Variants in STXBP5L observed in about 807,000 individuals in gnomAD.
STXBP5L encodes the protein syntaxin-binding protein 5-like.
A neutral mutation model predicts 144.5 loss-of-function variants in STXBP5L; 65 were observed. That is an observed-to-expected ratio of 0.45 (90% CI 0.37 to 0.55). STXBP5L has a LOEUF of 0.55. STXBP5L is among the 20% of genes least tolerant of loss of function. The pLI is 0.00. For missense variants in STXBP5L, 1,298 were observed against 1,405.5 expected (o/e 0.92, Z 1.22); for synonymous variants, 505 against 469.6 (o/e 1.08, Z -0.97).
intron 5 of STXBP5L, among the ~76,000 whole-genome samples, chr3:121,100,811 G>T (rs535265863): frequency 6.6e-6 from 1 of 151,496 alleles, no homozygotes; most frequent in South Asian, 2.1e-4. Context: ...AAAAAAAGTT[G>T]GTTCTTTGAA....
At chr3:121,081,806 G>A (rs1028112633) in intron 5 of STXBP5L, among the ~76,000 whole-genome samples, 1 of 152,170 alleles carries the variant, frequency 6.6e-6, no homozygotes, top group African/African-American at 2.4e-5. Flanking sequence ...TCAATTAGGT[G>A]TGGAGAGGCT....
chr3:121,095,781 C>T (rs547747045), intron 5 of STXBP5L, among the ~76,000 whole-genome samples: 3 of 152,308 alleles, frequency 2.0e-5, no homozygotes, highest in African/African-American at 4.8e-5. Flanking sequence ...CTTCTTCTCT[C>T]AACTCGTCAA....
rs1043134604 is a variant in STXBP5L, at chr3:121,300,015, A to C, written c.2111-18460A>C. Among the ~76,000 whole-genome samples, 15 of 148,572 alleles carry C rather than the reference A, an allele frequency of 1.0e-4. No homozygotes were observed. The East Asian group carries it at 1.3e-3, about 13-fold the overall frequency. ...AAAAAATACAAAGAAAACGACACTT[A>C]AGACTTTATAGTCAAACTACTAAAA... On this transcript the variant is annotated intron_variant, in intron 19 of 26. Coordinates refer to ENST00000471454, the MANE Select transcript of STXBP5L (RefSeq NM_001308330.2).
intron 20 of STXBP5L, among the ~76,000 whole-genome samples, chr3:121,339,083 G>C (rs1055267321): frequency 6.6e-6 from 1 of 151,806 alleles, no homozygotes; most frequent in South Asian, 2.1e-4. Flanking sequence ...AGCCAGGAAA[G>C]GGCATACAAA....
At position 121,116,936 on chromosome 3, in the gene STXBP5L, A is replaced by T. The variant is rs576362675; in HGVS notation, c.605+1877A>T. ...ATTAGTGAAAATATATAGATGCATC[A>T]CTTGTGTTCAGGTTGAATGCTGCTA... On this transcript the variant is annotated intron_variant, in intron 6 of 26. Transcript: ENST00000471454. Among the ~76,000 whole-genome samples, 6 of 152,128 alleles carry T rather than the reference A, an allele frequency of 3.9e-5. No individual in the cohort carries two copies. In the East Asian group the frequency reaches 1.2e-3, roughly 29 times the overall value.
At position 120,991,512 on chromosome 3, in the gene STXBP5L, C is replaced by A. The variant is rs188664841; in HGVS notation, c.287+36475C>A. Among the ~76,000 whole-genome samples, 4 of 152,334 alleles carry A rather than the reference C, an allele frequency of 2.6e-5. No homozygotes were observed. The South Asian group carries it at 8.3e-4, about 32-fold the overall frequency. ...ACCCAAAGGATTATAAATCATGCTA[C>A]TATAAAGACACATGCACATGTATGT... On this transcript the variant is annotated intron_variant, in intron 3 of 26. Transcript: ENST00000471454.
intron 3 of STXBP5L, among the ~76,000 whole-genome samples, chr3:121,004,227 G>A (rs968059113): frequency 5.9e-5 from 9 of 151,644 alleles, no homozygotes; most frequent in African/African-American, 1.5e-4. Flanking sequence ...TTATTTCATC[G>A]AGCAGTGGTT....
intron 19 of STXBP5L, among the ~76,000 whole-genome samples, chr3:121,309,424 A>G (rs2043451733): frequency 6.6e-6 from 1 of 152,150 alleles, no homozygotes; most frequent in South Asian, 2.1e-4. Flanking sequence ...TTATAATGAT[A>G]AAAGTGTCAA....
At chr3:120,937,920 A>C (rs1231150596) in intron 2 of STXBP5L, among the ~76,000 whole-genome samples, 1 of 152,112 alleles carries the variant, frequency 6.6e-6, no homozygotes, top group African/African-American at 2.4e-5. Flanking sequence ...TAACCTTTTA[A>C]TTATATTGAG....
Position 121,284,289 on chromosome 3 carries a change from C to T in STXBP5L, c.2110+4333C>T, listed in dbSNP as rs2051159369. On this transcript the variant is annotated intron_variant, in intron 19 of 26. Transcript: ENST00000471454. ...TCTTAAGCCAAATTTTTGTATCTTACTACCATTATGTTTTACTCATATTAT... is the reference window on the plus strand; with the variant it reads ...TCTTAAGCCAAATTTTTGTATCTTATTACCATTATGTTTTACTCATATTAT... 3.9e-5 allele frequency among the ~76,000 whole-genome samples: 6 copies of T among 151,914 alleles called. No individual in the cohort carries two copies. The South Asian group carries it at 1.2e-3, about 31-fold the overall frequency.
intron 15 of STXBP5L, among the ~76,000 whole-genome samples, chr3:121,253,255 A>C (rs2050084957): frequency 7.0e-6 from 1 of 142,072 alleles, no homozygotes; most frequent in African/African-American, 2.6e-5. Context: ...AAAACATTGC[A>C]AAAAAAAAAA....
intron 20 of STXBP5L, among the ~76,000 whole-genome samples, chr3:121,344,024 C>G (rs1489628566): frequency 6.6e-6 from 1 of 152,068 alleles, no homozygotes; most frequent in African/African-American, 2.4e-5. Flanking sequence ...GTAACCAAAA[C>G]AGCATGGTAC....
chr3:121,239,536 A>AG (rs2049595771), intron 13 of STXBP5L, among the ~76,000 whole-genome samples: 1 of 151,744 alleles, frequency 6.6e-6, no homozygotes, highest in East Asian at 1.9e-4. Flanking sequence ...GCCAGAAAAA[A>AG]GATGAGTTCA....
At chr3:121,095,981 T>G (rs570374393) in intron 5 of STXBP5L, among the ~76,000 whole-genome samples, 10 of 152,298 alleles carry the variant, frequency 6.6e-5, no homozygotes, top group Admixed American at 2.6e-4. Flanking sequence ...TTGTCCTTTC[T>G]TTTTGTTAGT....
chr3:121,105,196 G>A (rs2043636267), intron 5 of STXBP5L, among the ~76,000 whole-genome samples: 1 of 152,054 alleles, frequency 6.6e-6, no homozygotes, highest in Non-Finnish European at 1.5e-5. Flanking sequence ...AAGAGATGGA[G>A]ACCATCCTGG....
chr3:121,379,016 A>G, intron 21 of STXBP5L, 130 bp downstream of exon 21: 1 of 964,678 alleles, frequency 1.0e-6, no homozygotes, highest in Non-Finnish European at 1.5e-6. Context: ...AATACCTGAG[A>G]GCCTGATGGG....
intron 2 of STXBP5L, among the ~76,000 whole-genome samples, chr3:120,926,332 A>G (rs1576428450): frequency 6.9e-6 from 1 of 144,124 alleles, no homozygotes; most frequent in Admixed American, 6.9e-5. Context: ...TGTTTGCTGG[A>G]TATAGTATTC....
chr3:121,242,028 C>T (rs1246237078), intron 14 of STXBP5L, among the ~76,000 whole-genome samples: 1 of 152,044 alleles, frequency 6.6e-6, no homozygotes, highest in East Asian at 1.9e-4. Context: ...ATCTTGAATC[C>T]TATAACCAAT....
chr3:121,133,798 G>C (rs1236659558), intron 7 of STXBP5L, among the ~76,000 whole-genome samples: 1 of 152,138 alleles, frequency 6.6e-6, no homozygotes, highest in African/African-American at 2.4e-5. Flanking sequence ...TTACAATCAT[G>C]GCGCAAGGCA....
Sources: gnomAD v4.1 joint callset for allele counts (sites outside exome capture counted in the v4.1 genomes callset) on GRCh38, gnomAD v4.1.1 for gene constraint, MANE v1.5 for transcripts, NCBI Gene and HGNC (gene_info 2026-07-23, HGNC 2026-07-21) for gene names.